ST18: variants seen among roughly 807,000 people sequenced by gnomAD.
ST18 encodes suppression of tumorigenicity 18 protein.
ST18 carries 50 observed loss-of-function variants against 110.0 expected under a neutral mutation model. The observed-to-expected ratio is 0.45, with a 90% CI of 0.36 to 0.58. ST18 has a LOEUF of 0.58. Ranked by LOEUF, ST18 falls within the 20% of genes least tolerant of loss-of-function variation. The pLI is 0.00. For synonymous variants in ST18, 461 were observed against 452.4 expected (o/e 1.02, Z -0.24); for missense variants, 1,306 against 1,280.1 (o/e 1.02, Z -0.31).
chr8:52,263,610 G>GGT (rs2094767973), intron 2 of ST18, among the ~76,000 whole-genome samples: 1 of 128,202 alleles, frequency 7.8e-6, no homozygotes, highest in Non-Finnish European at 1.6e-5. Context: ...TTTTTGTTTT[G>GGT]TTTTTTTTTT....
At chr8:52,143,262 G>A (rs376723048) in intron 16 of ST18, among the ~76,000 whole-genome samples, 1 of 152,282 alleles carries the variant, frequency 6.6e-6, no homozygotes, top group African/African-American at 2.4e-5. Flanking sequence ...CGAGGCAGGC[G>A]GATCACGAGG....
At chr8:52,257,982 A>G (rs535957495) in intron 2 of ST18, among the ~76,000 whole-genome samples, 8 of 152,298 alleles carry the variant, frequency 5.3e-5, no homozygotes, top group African/African-American at 1.9e-4. Context: ...ATCCAACTGC[A>G]TTCTTTTTCA....
At chr8:52,144,289 G>A (rs2056401241) in intron 16 of ST18, among the ~76,000 whole-genome samples, 1 of 151,916 alleles carries the variant, frequency 6.6e-6, no homozygotes, top group African/African-American at 2.4e-5. Flanking sequence ...CAAAAGTACT[G>A]ATGTACTTAA....
rs866261968 is a variant in ST18, at chr8:52,191,758, C to G, written c.87-11446G>C. Reference sequence around the variant, plus strand: ...GGGCTCAGGTGCAGCTGGTTCTCCACTTTGCATGGAGAGAAAAGTGCCTGA... The same window carrying G: ...GGGCTCAGGTGCAGCTGGTTCTCCAGTTTGCATGGAGAGAAAAGTGCCTGA... On this transcript the variant is annotated intron_variant, in intron 8 of 25. Transcript: ENST00000689386. Among the ~76,000 whole-genome samples, 53 of 152,280 alleles carry G rather than the reference C, an allele frequency of 3.5e-4. No homozygotes were observed. In the Middle Eastern group the frequency reaches 0.014, roughly 39 times the overall value.
chr8:52,230,490 C>A (rs907046178), intron 2 of ST18, among the ~76,000 whole-genome samples: 1 of 152,080 alleles, frequency 6.6e-6, no homozygotes. Context: ...CGCACGGCAG[C>A]TGTACTTTTC....
chr8:52,169,493 C>T (rs2064073037), intron 10 of ST18, among the ~76,000 whole-genome samples: 2 of 152,128 alleles, frequency 1.3e-5, no homozygotes, highest in African/African-American at 4.8e-5. Flanking sequence ...GAATTGCTGA[C>T]TCATCTGAAA....
intron 2 of ST18, among the ~76,000 whole-genome samples, chr8:52,310,714 C>T (rs543763963): frequency 3.9e-5 from 6 of 152,318 alleles, no homozygotes; most frequent in Admixed American, 3.3e-4. Context: ...TTCTCTTCCT[C>T]TCTGTTTCTT....
chr8:52,239,795 A>G (rs1425114988), intron 2 of ST18, among the ~76,000 whole-genome samples: 2 of 151,780 alleles, frequency 1.3e-5, no homozygotes, highest in African/African-American at 4.8e-5. Context: ...CCATTTCCCA[A>G]CCCCAAACCC....
At chr8:52,270,164 C>T (rs1361329837) in intron 2 of ST18, among the ~76,000 whole-genome samples, 1 of 152,118 alleles carries the variant, frequency 6.6e-6, no homozygotes, top group Non-Finnish European at 1.5e-5. Context: ...TGTTTTTCTT[C>T]TTTTATATTG....
chr8:52,271,559 G>A (rs1245394087), intron 2 of ST18, among the ~76,000 whole-genome samples: 2 of 152,214 alleles, frequency 1.3e-5, no homozygotes, highest in Non-Finnish European at 2.9e-5. Flanking sequence ...GAAGTCATGA[G>A]TATGAGTACC....
intron 2 of ST18, among the ~76,000 whole-genome samples, chr8:52,295,445 GA>G (rs1168189154): frequency 1.3e-5 from 2 of 151,980 alleles, no homozygotes; most frequent in South Asian, 2.1e-4. Flanking sequence ...CCAGAGCAGA[GA>G]AAAAAATTTT....
intron 2 of ST18, among the ~76,000 whole-genome samples, chr8:52,298,169 ATGGTACATTTCAGTGCTGCACATATTTC>A (rs1295417486): frequency 6.6e-5 from 10 of 152,188 alleles, no homozygotes. Context: ...TACCCTGGAA[ATGGTACATTTCAGTGCTGCACATATTTC>A]ACTGGCCAGA....
intron 2 of ST18, among the ~76,000 whole-genome samples, chr8:52,252,616 C>G (rs962528346): frequency 6.6e-6 from 1 of 151,784 alleles, no homozygotes; most frequent in African/African-American, 2.4e-5. Context: ...TACAGTATAT[C>G]CAAATTTAAA....
chr8:52,156,233 G>A (rs983467995), intron 15 of ST18, among the ~76,000 whole-genome samples: 1 of 152,174 alleles, frequency 6.6e-6, no homozygotes, highest in Admixed American at 6.5e-5. Context: ...CCTGTGGCCG[G>A]GGCAGTCCAG....
intron 2 of ST18, among the ~76,000 whole-genome samples, chr8:52,233,652 C>T (rs1015048384): frequency 6.6e-6 from 1 of 151,982 alleles, no homozygotes; most frequent in African/African-American, 2.4e-5. Context: ...ATGAGAGGTC[C>T]GTACAGTTTA....
chr8:52,342,959 G>A lies in ST18; in HGVS notation c.-465+66369C>T, dbSNP rs1474984594. Among the ~76,000 whole-genome samples, 4 of 152,314 alleles carry A rather than the reference G, an allele frequency of 2.6e-5. No homozygotes were observed. In the East Asian group the frequency reaches 7.7e-4, roughly 29 times the overall value. On this transcript the variant is annotated intron_variant, in intron 2 of 25. Coordinates refer to ENST00000689386, the MANE Select transcript of ST18 (RefSeq NM_001352837.2). Reference sequence around the variant, plus strand: ...GAACAAGGTATATTTTCATTTTTGTGTGAGGGAGAGACATATGGATGAGGG... The same window carrying A: ...GAACAAGGTATATTTTCATTTTTGTATGAGGGAGAGACATATGGATGAGGG...
intron 13 of ST18, among the ~76,000 whole-genome samples, chr8:52,163,269 G>A (rs1053947016): frequency 2.0e-5 from 3 of 152,144 alleles, no homozygotes; most frequent in Admixed American, 6.5e-5. Context: ...TCTTGAAAAC[G>A]TTGAAATGTC....
chr8:52,403,173 G>A (rs1394753252), intron 2 of ST18, among the ~76,000 whole-genome samples: 1 of 152,100 alleles, frequency 6.6e-6, no homozygotes, highest in Non-Finnish European at 1.5e-5. Flanking sequence ...TGGAGTTGCT[G>A]CAGCTCAGTT....
At chr8:52,359,761 A>G (rs1824850167) in intron 2 of ST18, among the ~76,000 whole-genome samples, 1 of 152,182 alleles carries the variant, frequency 6.6e-6, no homozygotes, top group South Asian at 2.1e-4. Flanking sequence ...GGAGCAAAAA[A>G]TAAAGCAGGG....
Sources: gnomAD v4.1 joint callset for allele counts (sites outside exome capture counted in the v4.1 genomes callset) on GRCh38, gnomAD v4.1.1 for gene constraint, MANE v1.5 for transcripts, NCBI Gene and HGNC (gene_info 2026-07-23, HGNC 2026-07-21) for gene names.